SORCS2: variants seen among roughly 807,000 people sequenced by gnomAD.
SORCS2 encodes the protein VPS10 domain-containing receptor SorCS2.
In SORCS2, 100 loss-of-function variants were observed where a neutral mutation model predicts 141.6. That is an observed-to-expected ratio of 0.71 (90% CI 0.60 to 0.83). The LOEUF (loss-of-function observed/expected upper bound fraction) is 0.83. Among genes scored for constraint, SORCS2 ranks in the 40% least tolerant of loss-of-function variants. SORCS2 has a pLI of 0.00. For missense variants in SORCS2, 1,646 were observed against 1,560.2 expected (o/e 1.05, Z -0.93); for synonymous variants, 789 against 676.9 (o/e 1.17, Z -2.57).
intron 3 of SORCS2, among the ~76,000 whole-genome samples, chr4:7,581,932 A>T (rs1716185318): frequency 6.6e-6 from 1 of 152,172 alleles, no homozygotes; most frequent in Non-Finnish European, 1.5e-5. Flanking sequence ...TTTTCTATAT[A>T]TCTTTATTTC....
chr4:7,535,243 C>T (rs1293820095), intron 3 of SORCS2, among the ~76,000 whole-genome samples: 2 of 152,228 alleles, frequency 1.3e-5, no homozygotes, highest in African/African-American at 4.8e-5. Context: ...CCACCAAGGG[C>T]CTTGCTGAAT....
chr4:7,290,249 C>T (rs1716517773), intron 1 of SORCS2, among the ~76,000 whole-genome samples: 1 of 152,174 alleles, frequency 6.6e-6, no homozygotes, highest in Non-Finnish European at 1.5e-5. Flanking sequence ...AACACAGCGC[C>T]CGTCTACCTG....
chr4:7,553,287 T>C (rs1230187673), intron 3 of SORCS2, among the ~76,000 whole-genome samples: 4 of 151,990 alleles, frequency 2.6e-5, no homozygotes, highest in Non-Finnish European at 1.5e-5. Flanking sequence ...CATATTCTGA[T>C]TTTTTTTCTT....
intron 1 of SORCS2, among the ~76,000 whole-genome samples, chr4:7,221,071 G>A (rs1400656389): frequency 6.6e-6 from 1 of 152,148 alleles, no homozygotes; most frequent in Non-Finnish European, 1.5e-5. Context: ...CTCAGTGACG[G>A]CACCCAATTA....
At chr4:7,608,553 A>G (rs1577834099) in intron 3 of SORCS2, among the ~76,000 whole-genome samples, 1 of 152,212 alleles carries the variant, frequency 6.6e-6, no homozygotes. Flanking sequence ...ACATGAGGGA[A>G]GTGGGCATCC....
chr4:7,240,256 C>T (rs1418557503), intron 1 of SORCS2, among the ~76,000 whole-genome samples: 3 of 152,200 alleles, frequency 2.0e-5, no homozygotes, highest in Non-Finnish European at 4.4e-5. Flanking sequence ...GCACGTACCA[C>T]CTTGTCACCT....
intron 4 of SORCS2, among the ~76,000 whole-genome samples, chr4:7,643,100 A>G (rs1720850191): frequency 6.6e-6 from 1 of 151,894 alleles, no homozygotes; most frequent in Non-Finnish European, 1.5e-5. Context: ...ACACCTATCC[A>G]CCTACCCTCA....
Position 7,478,680 on chromosome 4 carries a change from C to G in SORCS2, c.549-52850C>G, listed in dbSNP as rs186763470. Reference sequence around the variant, plus strand: ...TCCCCTGAACTTTGCACACGGCTTCCTGAGTGTGGGTGCCCGATCAATATT... The same window carrying G: ...TCCCCTGAACTTTGCACACGGCTTCGTGAGTGTGGGTGCCCGATCAATATT... On this transcript the variant is annotated intron_variant, in intron 2 of 26. Transcript: ENST00000507866. 5.9e-5 allele frequency among the ~76,000 whole-genome samples: 9 copies of G among 152,306 alleles called. No individual in the cohort carries two copies. In the East Asian group the frequency reaches 9.7e-4, roughly 16 times the overall value.
intron 1 of SORCS2, among the ~76,000 whole-genome samples, chr4:7,236,832 C>T (rs902090211): frequency 5.9e-5 from 9 of 152,236 alleles, no homozygotes; most frequent in Middle Eastern, 3.2e-3. Flanking sequence ...CTGCCCACTT[C>T]GGCCTCCCAA....
At chr4:7,502,371 T>G (rs1732025041) in intron 2 of SORCS2, among the ~76,000 whole-genome samples, 1 of 152,168 alleles carries the variant, frequency 6.6e-6, no homozygotes, top group African/African-American at 2.4e-5. Flanking sequence ...GGCTGATTGA[T>G]GATTCTTCAC....
chr4:7,208,573 A>C (rs1727877463), intron 1 of SORCS2, among the ~76,000 whole-genome samples: 2 of 152,176 alleles, frequency 1.3e-5, no homozygotes, highest in Admixed American at 6.5e-5. Flanking sequence ...CGGCTGTTTC[A>C]AGGGCGAGAG....
chr4:7,703,131 G>A, intron 12 of SORCS2, 149 bp from the exon 13 acceptor site: 1 of 602,504 alleles, frequency 1.7e-6, no homozygotes, highest in South Asian at 2.1e-5. Context: ...GGATGGCCCG[G>A]GACATGCAGG....
chr4:7,343,276 G>A (rs942695482), intron 1 of SORCS2, among the ~76,000 whole-genome samples: 1 of 152,222 alleles, frequency 6.6e-6, no homozygotes, highest in African/African-American at 2.4e-5. Flanking sequence ...CTGCATTTGG[G>A]TGTCATGCCA....
chr4:7,416,952 A>G (rs1346591940), intron 2 of SORCS2, among the ~76,000 whole-genome samples: 1 of 152,160 alleles, frequency 6.6e-6, no homozygotes, highest in Non-Finnish European at 1.5e-5. Flanking sequence ...ACTCTCGCAC[A>G]CACACACCCA....
chr4:7,647,751 G>A lies in SORCS2; in HGVS notation c.814-6383G>A, dbSNP rs1240042206. ...GTTTCACACCTGCAGTCTCCTGGCC[G>A]TGGTTCCTTGGGCAACATCCTGGCC... On this transcript the variant is annotated intron_variant, in intron 4 of 26. Transcript: ENST00000507866. Among the ~76,000 whole-genome samples, 5 of 152,340 alleles carry A rather than the reference G, an allele frequency of 3.3e-5. No individual in the cohort carries two copies. In the East Asian group the frequency reaches 5.8e-4, roughly 18 times the overall value.
chr4:7,369,639 G>A (rs1300238919), intron 1 of SORCS2, among the ~76,000 whole-genome samples: 2 of 152,184 alleles, frequency 1.3e-5, no homozygotes, highest in East Asian at 1.9e-4. Flanking sequence ...AGCAGGACTC[G>A]GGGAGTGGCC....
chr4:7,209,489 G>A (rs940130279), intron 1 of SORCS2, among the ~76,000 whole-genome samples: 4 of 152,094 alleles, frequency 2.6e-5, no homozygotes, highest in East Asian at 1.9e-4. Flanking sequence ...TTCCGGAAAC[G>A]GTCCCTGCCG....
Position 7,740,361 on chromosome 4 carries a change from CCCCT to C in SORCS2, c.*102_*105del. On this transcript the variant is annotated 3_prime_UTR_variant, in exon 27 of 27. Coordinates refer to ENST00000507866, the MANE Select transcript of SORCS2 (RefSeq NM_020777.3). ...CGCCCCTCAGAGACCTGCGGAAAGC[CCCCT>C]CCCTGAGTCGTCGCCACACCAGGCG... 2 of 1,157,314 alleles carry C rather than the reference CCCCT, an allele frequency of 1.7e-6. No individual in the cohort carries two copies. The highest frequency in any genetic ancestry group is 3.9e-5 in the Admixed American group (2 of 51,162). 71.7% of individuals were successfully genotyped at this position (1,157,314 alleles called of 1,614,324 possible). A position where few individuals can be genotyped will look rare whatever the true frequency, so the allele number is the denominator to read the frequency against.
At chr4:7,572,954 C>T (rs1715497150) in intron 3 of SORCS2, among the ~76,000 whole-genome samples, 1 of 152,174 alleles carries the variant, frequency 6.6e-6, no homozygotes, top group South Asian at 2.1e-4. Context: ...TCCAAACATC[C>T]ATTTCTAAAG....
Sources: gnomAD v4.1 joint callset for allele counts (sites outside exome capture counted in the v4.1 genomes callset) on GRCh38, gnomAD v4.1.1 for gene constraint, MANE v1.5 for transcripts, NCBI Gene and HGNC (gene_info 2026-07-23, HGNC 2026-07-21) for gene names.